The following NUP214 variants were observed in gnomAD, a reference collection of about 807,000 sequenced individuals.
NUP214 encodes nuclear pore complex protein Nup214.
A neutral mutation model predicts 196.2 loss-of-function variants in NUP214; 79 were observed. The observed-to-expected ratio is 0.40, with a 90% CI of 0.34 to 0.49. NUP214 has a LOEUF of 0.49. Ranked by LOEUF, NUP214 falls within the 20% of genes least tolerant of loss-of-function variation. The pLI is 0.58. For missense variants in NUP214, 2,468 were observed against 2,539.0 expected (o/e 0.97, Z 0.60); for synonymous variants, 1,020 against 990.5 (o/e 1.03, Z -0.56).
At chr9:131,131,476 C>G (rs1325069681) in intron 5 of NUP214, among the ~76,000 whole-genome samples, 2 of 152,176 alleles carry the variant, frequency 1.3e-5, no homozygotes, top group Admixed American at 1.3e-4. Flanking sequence ...CTTGTGCCTT[C>G]CTCCTCAAGA....
chr9:131,130,136 TG>T (rs367809816), intron 4 of NUP214, among the ~76,000 whole-genome samples: 135 of 51,814 alleles, frequency 2.6e-3, no homozygotes, highest in Non-Finnish European at 3.2e-3. Flanking sequence ...TTTCTGGTTT[TG>T]TTTTTTTTTT....
chr9:131,140,228 A>G (rs1029684549), intron 10 of NUP214, among the ~76,000 whole-genome samples: 29 of 152,320 alleles, frequency 1.9e-4, no homozygotes, highest in Admixed American at 1.3e-4. Flanking sequence ...GGGAATGCCA[A>G]GCCTACCTCC....
intron 18 of NUP214, among the ~76,000 whole-genome samples, chr9:131,159,858 C>CAA (rs979999962): frequency 1.6e-5 from 2 of 122,760 alleles, no homozygotes; most frequent in Non-Finnish European, 3.5e-5. Context: ...ATTCCCATCT[C>CAA]AAAAAAAAAA....
Position 131,198,178 on chromosome 9 carries a change from G to A in NUP214, c.4684G>A (p.Ala1562Thr), listed in dbSNP as rs757018317. The part of the protein sequence containing the change: ...GTAASSTSLV[A>T]LSAEATPATT... ...TGCAGCATCTAGTACTAGTCTTGTA[G>A]CACTTTCTGCAGAGGCTACCCCAGC... is the stretch of plus-strand genomic sequence containing the variant. The change falls in exon 29 of 36, where the codon GCA becomes ACA. Residue 1562 changes from alanine to threonine, a missense_variant. By Grantham distance (58) the Ala-to-Thr change is moderately conservative. Transcript: ENST00000359428. 5.6e-6 allele frequency: 9 copies of A among 1,614,220 alleles called. No individual in the cohort carries two copies. The highest frequency in any genetic ancestry group is 6.8e-6 in the Non-Finnish European group (8 of 1,180,042).
intron 31 of NUP214, 124 bp downstream of exon 31, chr9:131,215,492 A>C: frequency 9.2e-7 from 1 of 1,088,518 alleles, no homozygotes; most frequent in Non-Finnish European, 1.2e-6. Context: ...CATTTAAAAT[A>C]TCTTCCCCAA....
intron 32 of NUP214, among the ~76,000 whole-genome samples, chr9:131,225,967 A>C (rs1213756554): frequency 6.6e-6 from 1 of 152,142 alleles, no homozygotes. Context: ...AGTGGTCTAC[A>C]CCCTGCTGTC....
intron 30 of NUP214, among the ~76,000 whole-genome samples, chr9:131,205,658 A>G (rs1369717926): frequency 1.1e-4 from 17 of 152,146 alleles, no homozygotes; most frequent in Admixed American, 1.1e-3. Flanking sequence ...GAGAAATAAA[A>G]TGTACTGCTC....
chr9:131,125,857 G>C lies in NUP214; in HGVS notation c.45+108G>C. On this transcript the variant is annotated intron_variant, in intron 1 of 35. Transcript: ENST00000359428. This position sits in a 1 kb window ranked among gnomAD's most constrained non-coding sequence, Gnocchi z 4.1. ...GGCTGTCCCGCCTCCTGCTTGAACA[G>C]TTTACCGCGTTCACAGCTCTCACCA... 7.7e-7 allele frequency: 1 copy of C among 1,290,676 alleles called. No individual in the cohort carries two copies. Among genetic ancestry groups the C allele is most frequent in the South Asian group, 1.3e-5 (1 of 75,280 alleles). The allele number at this position is 1,290,676 out of a possible 1,614,324, so 80.0% of individuals were successfully genotyped here.
At position 131,198,487 on chromosome 9, in the gene NUP214, G is replaced by A. The variant is rs909084105; in HGVS notation, c.4993G>A (p.Ala1665Thr). 1.9e-6 allele frequency: 3 copies of A among 1,614,082 alleles called. No homozygotes were observed. The highest frequency in any genetic ancestry group is 1.7e-6 in the Non-Finnish European group (2 of 1,180,042). The change falls in exon 29 of 36, where the codon GCC (alanine) becomes ACC (threonine). Residue 1665 changes from alanine to threonine, a missense_variant. By Grantham distance (58) the Ala-to-Thr change is moderately conservative. This residue lies in a region of NUP214 where 1,801 missense variants were observed against 1,779.4 expected (regional missense o/e 1.01). Coordinates refer to ENST00000359428, the MANE Select transcript of NUP214 (RefSeq NM_005085.4). ...TTTCAACCAGCTCACCAACAACACA[G>A]CCACTGCCCCCTCTGCCACGCCCGT... The part of the protein sequence containing the change: ...SAFNQLTNNT[A>T]TAPSATPVFG...
intron 30 of NUP214, 56 bp downstream of exon 30, chr9:131,201,773 C>T: frequency 7.0e-7 from 1 of 1,429,134 alleles, no homozygotes; most frequent in Non-Finnish European, 9.9e-7. Flanking sequence ...ATTCAGTTTT[C>T]TTCACTGTAA....
chr9:131,230,486 G>A (rs1834843744), intron 33 of NUP214, 144 bp from the exon 34 acceptor site: 7 of 923,914 alleles, frequency 7.6e-6, no homozygotes, highest in Non-Finnish European at 1.1e-5. Context: ...CATTCTCTCT[G>A]AAAGGCTGCT....
At chr9:131,177,461 T>C (rs1301019541) in intron 23 of NUP214, among the ~76,000 whole-genome samples, 1 of 152,204 alleles carries the variant, frequency 6.6e-6, no homozygotes, top group African/African-American at 2.4e-5. Context: ...ATCTGTATTA[T>C]CATGTTGGAT....
chr9:131,174,839 T>C (rs1444090992), intron 22 of NUP214, among the ~76,000 whole-genome samples: 4 of 152,156 alleles, frequency 2.6e-5, no homozygotes, highest in Admixed American at 6.6e-5. Flanking sequence ...TGCTAGGCCA[T>C]TGTGAGGAAG....
chr9:131,159,418 T>A lies in NUP214; in HGVS notation c.2472T>A (p.Ala824=). The part of the protein sequence containing the change: ...IRRLHQYVKF[A]VQDVNDVLDL... ...GCCTTCATCAGTATGTGAAATTTGC[T>A]GTCCAAGATGTGAATGATGTTCTAG... The change falls in exon 18 of 36, where the codon GCT becomes GCA. Residue 824 remains alanine (A), a synonymous_variant. Transcript: ENST00000359428. 1 of 1,614,112 alleles carries A rather than the reference T, an allele frequency of 6.2e-7. No homozygotes were observed. Among genetic ancestry groups the A allele is most frequent in the Non-Finnish European group, 8.5e-7 (1 of 1,180,004 alleles).
intron 32 of NUP214, among the ~76,000 whole-genome samples, chr9:131,223,723 A>ATTTTTTT (rs1222974193): frequency 1.6e-4 from 3 of 18,976 alleles, no homozygotes; most frequent in African/African-American, 2.6e-4. Context: ...TTATTTATTT[A>ATTTTTTT]TTTATTTTTT....
chr9:131,222,751 A>T, intron 31 of NUP214, 27 bp from the exon 32 acceptor site: 2 of 1,601,918 alleles, frequency 1.2e-6, no homozygotes, highest in Non-Finnish European at 1.7e-6. Context: ...TCTCCCTCTG[A>T]CCTCCCTCAC....
chr9:131,146,318 C>T lies in NUP214; in HGVS notation c.1945+14C>T. ...CCTCACCATCAGGTATGATTTTAAGCAGACAACTTTAGACCTCAGCCCTGC... is the reference window on the plus strand; with the variant it reads ...CCTCACCATCAGGTATGATTTTAAGTAGACAACTTTAGACCTCAGCCCTGC... On this transcript the variant is annotated intron_variant, in intron 13 of 35. Coordinates refer to ENST00000359428, the MANE Select transcript of NUP214 (RefSeq NM_005085.4). The surrounding 1 kb of genome is among the most constrained non-coding windows in gnomAD (Gnocchi z 4.6). 1.2e-6 allele frequency: 2 copies of T among 1,612,734 alleles called. No homozygotes were observed. Among genetic ancestry groups the T allele is most frequent in the Non-Finnish European group, 1.7e-6 (2 of 1,178,824 alleles).
intron 23 of NUP214, among the ~76,000 whole-genome samples, chr9:131,177,731 C>T (rs148579996): frequency 2.2e-4 from 33 of 152,174 alleles, no homozygotes; most frequent in Admixed American, 1.9e-3. Context: ...AATTATAAGA[C>T]GAAAGCTGAT....
chr9:131,223,723 A>ATTTATTTTTT, intron 32 of NUP214, among the ~76,000 whole-genome samples: 1 of 18,968 alleles, frequency 5.3e-5, no homozygotes, highest in Non-Finnish European at 1.2e-4. Context: ...TTATTTATTT[A>ATTTATTTTTT]TTTATTTTTT....
Sources: allele counts gnomAD v4.1 joint callset (sites outside exome capture counted in the v4.1 genomes callset), GRCh38; gene constraint gnomAD v4.1.1; regional missense constraint gnomAD v4.1.1; non-coding constraint Gnocchi (gnomAD v3.1); transcripts MANE v1.5; gene names NCBI Gene and HGNC (gene_info 2026-07-23, HGNC 2026-07-21).